Variants in RNF38 observed in about 807,000 individuals in gnomAD.
RNF38 encodes the protein E3 ubiquitin-protein ligase RNF38.
Under a neutral mutation model 67.2 loss-of-function variants are expected in RNF38, and 15 were observed. The ratio of observed to expected loss-of-function variants is 0.22; its 90% CI spans 0.15 to 0.34. The LOEUF (loss-of-function observed/expected upper bound fraction) is 0.34. Among genes scored for constraint, RNF38 ranks in the 10% least tolerant of loss-of-function variants. The pLI, the probability that RNF38 is intolerant of heterozygous loss-of-function variation, is 1.00. For missense variants in RNF38, 524 were observed against 639.9 expected (o/e 0.82, Z 1.95); for synonymous variants, 220 against 218.8 (o/e 1.01, Z -0.05).
chr9:36,405,243 G>A (rs1171247830), upstream of RNF38, among the ~76,000 whole-genome samples: 1 of 150,874 alleles, frequency 6.6e-6, no homozygotes, highest in African/African-American at 2.4e-5. Context: ...CTGCAGCCTG[G>A]GCAACAGAGA....
intron 1 of RNF38, 146 bp from the exon 2 acceptor site, chr9:36,390,762 A>G: frequency 2.3e-6 from 2 of 878,740 alleles, no homozygotes; most frequent in Non-Finnish European, 3.4e-6. Context: ...AATTTTAAAC[A>G]TCAAAACATA....
intron 1 of RNF38, among the ~76,000 whole-genome samples, chr9:36,392,796 A>G (rs1300117404): frequency 6.6e-6 from 1 of 152,166 alleles, no homozygotes; most frequent in Admixed American, 6.5e-5. Context: ...AATAAGATAT[A>G]AAAACATGGG....
intron 1 of RNF38, among the ~76,000 whole-genome samples, chr9:36,469,835 G>A (rs564085300): frequency 2.4e-4 from 36 of 151,988 alleles, no homozygotes; most frequent in Admixed American, 3.9e-4. Context: ...AAAATTAGCC[G>A]GGAGTAGTGG....
At chr9:36,421,556 G>A (rs969513192) in intron 2 of RNF38, among the ~76,000 whole-genome samples, 1 of 152,086 alleles carries the variant, frequency 6.6e-6, no homozygotes, top group East Asian at 1.9e-4. Flanking sequence ...CCAGCTACTC[G>A]GGAGGCTGAG....
chr9:36,432,335 G>A (rs151226124), intron 1 of RNF38, among the ~76,000 whole-genome samples: 2 of 152,100 alleles, frequency 1.3e-5, no homozygotes, highest in East Asian at 3.9e-4. Context: ...GGGTTTCACT[G>A]TGTTGGCCAG....
intron 1 of RNF38, among the ~76,000 whole-genome samples, chr9:36,447,125 CAA>C (rs535462916): frequency 2.9e-4 from 27 of 93,024 alleles, no homozygotes; most frequent in Non-Finnish European, 3.8e-4. Flanking sequence ...AGACTGTCTC[CAA>C]AAAAAAAAAA....
chr9:36,362,650 A>T (rs1834644651), intron 4 of RNF38, among the ~76,000 whole-genome samples: 1 of 151,600 alleles, frequency 6.6e-6, no homozygotes, highest in Non-Finnish European at 1.5e-5. Context: ...TTTTCTGGTA[A>T]CCATTTTTTT....
At chr9:36,411,736 AT>A (rs140450046) in intron 2 of RNF38, among the ~76,000 whole-genome samples, 438 of 142,498 alleles carry the variant, frequency 3.1e-3, no homozygotes, top group Admixed American at 3.4e-3. Flanking sequence ...TAACTTTTGT[AT>A]TTTTTTTTTT....
intron 1 of RNF38, among the ~76,000 whole-genome samples, chr9:36,456,838 A>G (rs1206727818): frequency 2.0e-5 from 3 of 152,146 alleles, no homozygotes; most frequent in East Asian, 1.9e-4. Context: ...TTAATGGTAG[A>G]TATGTTTTAG....
chr9:36,464,649 AAC>A (rs1418326205), intron 1 of RNF38, among the ~76,000 whole-genome samples: 2 of 152,192 alleles, frequency 1.3e-5, no homozygotes, highest in South Asian at 2.1e-4. Flanking sequence ...AAACTGTGAA[AAC>A]ACAAATCCTG....
At chr9:36,463,600 T>C (rs934072029) in intron 1 of RNF38, among the ~76,000 whole-genome samples, 4 of 152,158 alleles carry the variant, frequency 2.6e-5, no homozygotes, top group African/African-American at 7.2e-5. Context: ...AAATCATTTG[T>C]AATAATGCAA....
rs1564015557 is a variant in RNF38, at chr9:36,369,713, T to C, written c.570+6A>G. On this transcript the variant is annotated splice_donor_region_variant and intron_variant, in intron 4 of 11. Coordinates refer to ENST00000259605, the MANE Select transcript of RNF38 (RefSeq NM_022781.5). ...TCTGTATTTCCAAGACATTCTGTTA[T>C]TGTACCTGATCATGTATGTCAACCA... 2 of 1,590,706 alleles carry C rather than the reference T, an allele frequency of 1.3e-6. No individual in the cohort carries two copies. The highest frequency in any genetic ancestry group is 8.6e-7 in the Non-Finnish European group (1 of 1,167,136).
intron 3 of RNF38, chr9:36,372,580 T>C: frequency 1.4e-6 from 1 of 713,686 alleles, no homozygotes; most frequent in Middle Eastern, 2.3e-4. Context: ...TCTGGCAATA[T>C]GCTTATAGGT....
chr9:36,409,245 A>AAG (rs1838257916), intron 2 of RNF38, among the ~76,000 whole-genome samples: 1 of 148,292 alleles, frequency 6.7e-6, no homozygotes, highest in African/African-American at 2.5e-5. Context: ...ATGGAAGGAA[A>AAG]GAAGGAAGGA....
chr9:36,400,377 C>T, upstream of RNF38: 1 of 1,177,412 alleles, frequency 8.5e-7, no homozygotes, highest in Non-Finnish European at 1.1e-6. Flanking sequence ...ATCTGCCGGG[C>T]AGCGGGCCGG....
chr9:36,446,524 G>A (rs957557240), intron 1 of RNF38, among the ~76,000 whole-genome samples: 26 of 151,876 alleles, frequency 1.7e-4, no homozygotes, highest in Non-Finnish European at 2.6e-4. Context: ...AATACACATC[G>A]GCCCAGGCGC....
chr9:36,436,539 C>T (rs1024652051), intron 1 of RNF38, among the ~76,000 whole-genome samples: 7 of 151,846 alleles, frequency 4.6e-5, no homozygotes, highest in Admixed American at 3.3e-4. Context: ...CACTTAAAAT[C>T]GTAGCTGGGC....
At chr9:36,486,695 G>A (rs1250622611) in intron 1 of RNF38, among the ~76,000 whole-genome samples, 1 of 152,048 alleles carries the variant, frequency 6.6e-6, no homozygotes, top group Non-Finnish European at 1.5e-5. Flanking sequence ...ACTCAAGAAA[G>A]CCCTCTCCCC....
chr9:36,381,282 A>G (rs1026806842), intron 2 of RNF38, among the ~76,000 whole-genome samples: 6 of 152,136 alleles, frequency 3.9e-5, no homozygotes, highest in African/African-American at 1.2e-4. Flanking sequence ...CTAAAAATAA[A>G]ATCCCCCCCA....
Sources: gnomAD v4.1 joint callset for allele counts (sites outside exome capture counted in the v4.1 genomes callset) on GRCh38, gnomAD v4.1.1 for gene constraint, MANE v1.5 for transcripts, NCBI Gene and HGNC (gene_info 2026-07-23, HGNC 2026-07-21) for gene names.